BAZ1A: variants seen among roughly 807,000 people sequenced by gnomAD.
BAZ1A encodes the protein bromodomain adjacent to zinc finger domain protein 1A.
Under a neutral mutation model 185.2 loss-of-function variants are expected in BAZ1A, and 50 were observed. The observed-to-expected ratio is 0.27, with a 90% CI of 0.22 to 0.34. BAZ1A has a LOEUF of 0.34. Ranked by LOEUF, BAZ1A falls within the 10% of genes least tolerant of loss-of-function variation. BAZ1A has a pLI of 1.00. For synonymous variants in BAZ1A, 571 were observed against 615.6 expected (o/e 0.93, Z 1.07); for missense variants, 1,356 against 1,839.9 (o/e 0.74, Z 4.81).
chr14:34,843,387 G>T (rs944180795), intron 3 of BAZ1A, among the ~76,000 whole-genome samples: 1 of 152,128 alleles, frequency 6.6e-6, no homozygotes, highest in South Asian at 2.1e-4. Flanking sequence ...GCTCTCTCTC[G>T]CTGCTGGGAT....
intron 14 of BAZ1A, among the ~76,000 whole-genome samples, chr14:34,784,596 C>T (rs1256469072): frequency 1.3e-5 from 2 of 151,382 alleles, no homozygotes; most frequent in Non-Finnish European, 2.9e-5. Context: ...CGGCTCACTG[C>T]AAGCTCCGCC....
chr14:34,826,517 T>C (rs1423943135), intron 3 of BAZ1A, among the ~76,000 whole-genome samples: 2 of 152,346 alleles, frequency 1.3e-5, no homozygotes, highest in East Asian at 3.9e-4. Flanking sequence ...AACTCCCCTC[T>C]TAGCACTGCT....
At chr14:34,816,349 A>G in intron 4 of BAZ1A, among the ~76,000 whole-genome samples, 1 of 152,068 alleles carries the variant, frequency 6.6e-6, no homozygotes, top group East Asian at 1.9e-4. Context: ...GGCCTCCCAA[A>G]GTGCTGAGAT....
At chr14:34,834,540 A>T (rs959040037) in intron 3 of BAZ1A, among the ~76,000 whole-genome samples, 1 of 152,218 alleles carries the variant, frequency 6.6e-6, no homozygotes, top group Non-Finnish European at 1.5e-5. Context: ...AAACCAGTGC[A>T]ACACAGGGAC....
chr14:34,844,572 T>A (rs1446308290), intron 3 of BAZ1A, among the ~76,000 whole-genome samples: 1 of 150,856 alleles, frequency 6.6e-6, no homozygotes, highest in East Asian at 1.9e-4. Context: ...AGCCCAGGAG[T>A]TTGAGACCAG....
At chr14:34,861,779 A>G (rs1376227761) in intron 3 of BAZ1A, among the ~76,000 whole-genome samples, 1 of 152,186 alleles carries the variant, frequency 6.6e-6, no homozygotes, top group African/African-American at 2.4e-5. Context: ...TAAAAAGGGA[A>G]GGAATTTGTG....
intron 6 of BAZ1A, among the ~76,000 whole-genome samples, chr14:34,805,055 G>A (rs1200873237): frequency 6.6e-6 from 1 of 152,128 alleles, no homozygotes; most frequent in Non-Finnish European, 1.5e-5. Flanking sequence ...CATGAGATCT[G>A]GTTGTTTGAA....
chr14:34,771,635 A>G lies in BAZ1A; in HGVS notation c.3177T>C (p.Thr1059=), dbSNP rs917124324. Residue 1059 remains threonine, a synonymous_variant, in exon 21 of 27, where the codon ACT becomes ACC. Coordinates refer to ENST00000360310, the MANE Select transcript of BAZ1A (RefSeq NM_013448.3). Reference sequence around the variant, plus strand: ...TTGCATTTGTTGATACAGTACTTGGAGTTTCTGTTTTTATCCCCAAAAGTC... The same window carrying G: ...TTGCATTTGTTGATACAGTACTTGGGGTTTCTGTTTTTATCCCCAAAAGTC... The part of the protein sequence containing the change: ...KDRLLGIKTE[T]PSTVSTNAST... The G allele has an allele frequency of 1.9e-6, 3 of 1,613,194 alleles. No homozygotes were observed. The African/African-American group carries it at 4.0e-5, about 22-fold the overall frequency.
intron 3 of BAZ1A, among the ~76,000 whole-genome samples, chr14:34,850,551 T>C (rs2042581226): frequency 6.6e-6 from 1 of 152,320 alleles, no homozygotes; most frequent in South Asian, 2.1e-4. Flanking sequence ...TACTTTCCTA[T>C]CCAGTTTTAG....
chr14:34,754,287 C>T (rs953835177), intron 26 of BAZ1A, among the ~76,000 whole-genome samples: 4 of 148,158 alleles, frequency 2.7e-5, no homozygotes, highest in African/African-American at 9.9e-5. Context: ...GGCATGGTGG[C>T]CTGCACCTGT....
In BAZ1A at chr14:34,816,510, A is replaced by G. The variant is rs374204003; in HGVS notation, c.537-5474T>C. Among the ~76,000 whole-genome samples, 8 of 152,326 alleles carry G rather than the reference A, an allele frequency of 5.3e-5. 1 individual carries two copies. Among genetic ancestry groups the G allele is most frequent in the Admixed American group, 2.6e-4 (4 of 15,294 alleles). ...TTCAGGTCAGGCTAAAGGATTTTCT[A>G]TAATGTACTTCAGCTTTTGTTATGT... On this transcript the variant is annotated intron_variant, in intron 4 of 26. Coordinates refer to ENST00000360310, the MANE Select transcript of BAZ1A (RefSeq NM_013448.3).
chr14:34,806,970 AGG>A (rs2138668735), intron 6 of BAZ1A, among the ~76,000 whole-genome samples: 1 of 151,080 alleles, frequency 6.6e-6, no homozygotes, highest in African/African-American at 2.4e-5. Flanking sequence ...GCTGGTCTCC[AGG>A]CTGGTCTCCT....
At chr14:34,833,904 A>T (rs1281192400) in intron 3 of BAZ1A, among the ~76,000 whole-genome samples, 1 of 152,156 alleles carries the variant, frequency 6.6e-6, no homozygotes, top group Non-Finnish European at 1.5e-5. Flanking sequence ...AACTTTTTTT[A>T]TTCTAAGAGA....
intron 14 of BAZ1A, among the ~76,000 whole-genome samples, chr14:34,784,367 CAAAAAAAAAA>C (rs368815964): frequency 0.4 from 30,686 of 77,502 alleles, 4,842 homozygotes; most frequent in Middle Eastern, 0.5. Flanking sequence ...GACTCTGTCT[CAAAAAAAAAA>C]AAAAAAAAAA....
In BAZ1A at chr14:34,874,878, T is replaced by A; in HGVS notation, c.-58-216A>T. 3.6e-6 allele frequency: 1 copy of A among 277,358 alleles called. No individual in the cohort carries two copies. The highest frequency in any genetic ancestry group is 6.8e-6 in the Non-Finnish European group (1 of 148,086). 17.2% of individuals were successfully genotyped at this position (277,358 alleles called of 1,614,324 possible). A position where few individuals can be genotyped will look rare whatever the true frequency, so the allele number is the denominator to read the frequency against. On this transcript the variant is annotated intron_variant, in intron 1 of 26. Transcript: ENST00000360310. The surrounding 1 kb of genome is among the most constrained non-coding windows in gnomAD (Gnocchi z 4.7). ...CCCGAGCGCGCCCTACCTCCTCTCG[T>A]CCTGCCGCCGCCTCACAATGGGGCA...
At chr14:34,872,268 C>T (rs946976321) in intron 2 of BAZ1A, among the ~76,000 whole-genome samples, 1 of 152,058 alleles carries the variant, frequency 6.6e-6, no homozygotes, top group Non-Finnish European at 1.5e-5. Flanking sequence ...TGTTTAAATG[C>T]CCTAAGACTA....
intron 3 of BAZ1A, among the ~76,000 whole-genome samples, chr14:34,844,777 GCACACACACACACACACACACACACA>G (rs4007479): frequency 1.2e-5 from 1 of 86,804 alleles, no homozygotes. Flanking sequence ...ACACACACGC[GCACACACACACACACACACACACACA>G]CACACACACA....
chr14:34,774,709 G>A (rs1402335276), intron 18 of BAZ1A, among the ~76,000 whole-genome samples: 2 of 152,160 alleles, frequency 1.3e-5, no homozygotes, highest in Non-Finnish European at 2.9e-5. Context: ...CCAGGAGTTT[G>A]AATCTGCAGT....
chr14:34,790,436 C>T (rs141334316), intron 12 of BAZ1A, among the ~76,000 whole-genome samples: 113 of 152,304 alleles, frequency 7.4e-4, no homozygotes, highest in African/African-American at 2.7e-3. Flanking sequence ...TCACTGCAAC[C>T]TCTGCCTCCT....
Sources: allele counts gnomAD v4.1 joint callset (sites outside exome capture counted in the v4.1 genomes callset), GRCh38; gene constraint gnomAD v4.1.1; non-coding constraint Gnocchi (gnomAD v3.1); transcripts MANE v1.5; gene names NCBI Gene and HGNC (gene_info 2026-07-23, HGNC 2026-07-21).